ZNF786: variants seen among roughly 807,000 people sequenced by gnomAD.
The protein encoded by ZNF786 is zinc finger protein 786.
Under a neutral mutation model 63.1 loss-of-function variants are expected in ZNF786, and 56 were observed. That is an observed-to-expected ratio of 0.89 (90% CI 0.72 to 1.11). ZNF786 has a LOEUF of 1.11. Ranked by LOEUF, ZNF786 falls within the 50% of genes least tolerant of loss-of-function variation. The probability of loss-of-function intolerance (pLI) is 0.00; values close to 1 mark genes in which losing one functional copy is unlikely to be tolerated. For missense variants in ZNF786, 1,213 were observed against 1,041.8 expected (o/e 1.16, Z -2.26); for synonymous variants, 485 against 406.9 (o/e 1.19, Z -2.31).
intron 1 of ZNF786, among the ~76,000 whole-genome samples, chr7:149,089,018 G>A (rs1187681968): frequency 2.0e-5 from 3 of 149,012 alleles, no homozygotes; most frequent in South Asian, 2.1e-4. Flanking sequence ...GTGCAGTGGC[G>A]CGATCTCGGC....
At chr7:149,074,940 A>G (rs2129514742) in intron 2 of ZNF786, among the ~76,000 whole-genome samples, 1 of 151,424 alleles carries the variant, frequency 6.6e-6, no homozygotes, top group Middle Eastern at 3.4e-3. Flanking sequence ...TCCTGGGCTC[A>G]GGTAATTCTT....
rs927818214 is a variant in ZNF786 at position 149,071,290 on chromosome 7, GC to G, written c.1481del (p.Ser494ThrfsTer3). 8.1e-6 allele frequency: 13 copies of G among 1,612,988 alleles called. No homozygotes were observed. The highest frequency in any genetic ancestry group is 1.1e-5 in the Non-Finnish European group (13 of 1,179,682). On this transcript the variant is annotated frameshift_variant, in exon 4 of 4. Coordinates refer to ENST00000491431, the MANE Select transcript of ZNF786 (RefSeq NM_152411.4). LOFTEE classifies it high-confidence loss of function. ...PECGLSFRLE[S>X]MLRAHRLRHG... ...GCCGGAGCCGGTGGGCTCTCAGCAT[GC>G]TCTCCAGGCGGAAGCTCAGCCCACA...
chr7:149,076,722 A>AGG (rs1563138353), intron 2 of ZNF786, among the ~76,000 whole-genome samples: 44 of 145,596 alleles, frequency 3.0e-4, no homozygotes, highest in Admixed American at 5.4e-4. Context: ...CCATCTTGAA[A>AGG]AAAAAAAAAA....
At position 149,085,753 on chromosome 7, in the gene ZNF786, T is replaced by C. The variant is rs149661270; in HGVS notation, c.18+4870A>G. Among the ~76,000 whole-genome samples the C allele has an allele frequency of 9.3e-3, 1,416 of 152,344 alleles. 11 individuals carry two copies. Among genetic ancestry groups the C allele is most frequent in the Non-Finnish European group, 0.014 (959 of 68,030 alleles). Reference sequence around the variant, plus strand: ...ATTAAATGTTTTTCCCTTTGTGTTATCTCTGGTTTCTTTGAGTAGTGTTTT... The same window carrying C: ...ATTAAATGTTTTTCCCTTTGTGTTACCTCTGGTTTCTTTGAGTAGTGTTTT... On this transcript the variant is annotated intron_variant, in intron 1 of 3. Coordinates refer to ENST00000491431, the MANE Select transcript of ZNF786 (RefSeq NM_152411.4).
In ZNF786 at chr7:149,071,916, G is replaced by A. The variant is rs748568640; in HGVS notation, c.856C>T (p.His286Tyr). Residue 286 changes from histidine (H) to tyrosine (Y), a missense_variant, in exon 4 of 4, where the codon CAC (histidine) becomes TAC (tyrosine). By Grantham distance (83) the His-to-Tyr change is moderately conservative. Transcript: ENST00000491431. ...CFRHELTHPS[H>Y]RLPQQGEKPA... ...TTCTCCCCCTGCTGCGGGAGGCGGTGGCTGGGATGGGTCAGCTCGTGTCGG... is the reference window on the plus strand; with the variant it reads ...TTCTCCCCCTGCTGCGGGAGGCGGTAGCTGGGATGGGTCAGCTCGTGTCGG... The A allele has an allele frequency of 6.2e-7, 1 of 1,606,756 alleles. No homozygotes were observed. Among genetic ancestry groups the A allele is most frequent in the East Asian group, 2.2e-5 (1 of 44,766 alleles).
chr7:149,090,122 C>T (rs1204265085), intron 1 of ZNF786, among the ~76,000 whole-genome samples: 5 of 152,198 alleles, frequency 3.3e-5, no homozygotes, highest in African/African-American at 1.2e-4. Flanking sequence ...TTTGTATCCT[C>T]TTCTACTCTT....
intron 1 of ZNF786, among the ~76,000 whole-genome samples, chr7:149,087,993 C>CTTTTTTTT (rs11304737): frequency 7.9e-6 from 1 of 126,272 alleles, no homozygotes; most frequent in Non-Finnish European, 1.7e-5. Context: ...GTTGCCCAGG[C>CTTTTTTTT]TTTTTTTTTT....
In ZNF786 at chr7:149,071,066, T is replaced by A; in HGVS notation, c.1706A>T (p.Glu569Val). Reference sequence around the variant, plus strand: ...TTGTCTGGTGAAGCCCTTGCCACACTCCCCGCACGAGAACGGCCTCTCCTT... The same window carrying A: ...TTGTCTGGTGAAGCCCTTGCCACACACCCCGCACGAGAACGGCCTCTCCTT... Reference protein sequence around the residue: ...HSKERPFSCGECGKGFTRQSK... With the variant: ...HSKERPFSCGVCGKGFTRQSK... Residue 569 changes from glutamate to valine, a missense_variant, in exon 4 of 4, where the codon GAG (glutamate) becomes GTG (valine). Physicochemically the swap from Glu to Val is moderately radical, Grantham distance 121 (BLOSUM62 -2). Transcript: ENST00000491431. The A allele has an allele frequency of 1.9e-6, 3 of 1,611,340 alleles. No homozygotes were observed. Among genetic ancestry groups the A allele is most frequent in the Non-Finnish European group, 2.5e-6 (3 of 1,179,584 alleles).
Position 149,071,748 on chromosome 7 carries a change from G to A in ZNF786, c.1024C>T (p.Pro342Ser), listed in dbSNP as rs1208522186. Residue 342 changes from proline (P) to serine (S), a missense_variant, in exon 4 of 4, where the codon CCA becomes TCA. By Grantham distance (74) the Pro-to-Ser change is moderately conservative. Transcript: ENST00000491431. ...ASSSVHSGQKPGSRLPQEGNS... is the reference protein window; with the variant it reads ...ASSSVHSGQKSGSRLPQEGNS... ...CCCTCCTGGGGCAGGCGCGAGCCTGGTTTCTGTCCCGAGTGCACACTGCTG... is the reference window on the plus strand; with the variant it reads ...CCCTCCTGGGGCAGGCGCGAGCCTGATTTCTGTCCCGAGTGCACACTGCTG... 1.3e-6 allele frequency: 2 copies of A among 1,589,018 alleles called. No individual in the cohort carries two copies. Among genetic ancestry groups the A allele is most frequent in the Non-Finnish European group, 1.7e-6 (2 of 1,175,032 alleles).
chr7:149,071,538 G>A lies in ZNF786; in HGVS notation c.1234C>T (p.Leu412=), dbSNP rs1298548839. 5 of 1,613,004 alleles carry A rather than the reference G, an allele frequency of 3.1e-6. No homozygotes were observed. The highest frequency in any genetic ancestry group is 1.3e-5 in the African/African-American group (1 of 74,964). ...CCGTGCGCGTGCTGGTGGACCTGCA[G>A]CAGGCGGCGCAGGCGGAAGCGCTTG... ...CTKRFRLRRL[L]QVHQHAHGGE... The change falls in exon 4 of 4, where the codon CTG becomes TTG. Residue 412 remains leucine, a synonymous_variant. Coordinates refer to ENST00000491431, the MANE Select transcript of ZNF786 (RefSeq NM_152411.4).
Position 149,072,261 on chromosome 7 carries a change from G to A in ZNF786, c.511C>T (p.Leu171=). 1 of 1,613,582 alleles carries A rather than the reference G, an allele frequency of 6.2e-7. No individual in the cohort carries two copies. The change falls in exon 4 of 4, where the codon CTG becomes TTG. Residue 171 remains leucine (L), a synonymous_variant. Transcript: ENST00000491431. ...ACGTCCCACAAACCAGGAAGATCCA[G>A]ATTTCTGGGACCTGGGATTCCTTCT... ...LKEGIPGPRN[L]DLPGLWDVPA...
chr7:149,078,856 T>C (rs1825607377), intron 2 of ZNF786, among the ~76,000 whole-genome samples: 1 of 152,108 alleles, frequency 6.6e-6, no homozygotes, highest in Non-Finnish European at 1.5e-5. Context: ...TGGAATACAA[T>C]CTAGAATCTT....
intron 1 of ZNF786, 68 bp downstream of exon 1, chr7:149,090,555 G>A (rs1825814186): frequency 6.9e-7 from 1 of 1,457,914 alleles, no homozygotes; most frequent in Non-Finnish European, 9.2e-7. Flanking sequence ...CAGGACACGG[G>A]CGAGCCCGGA....
chr7:149,087,619 T>G (rs2129516933), intron 1 of ZNF786, among the ~76,000 whole-genome samples: 1 of 152,302 alleles, frequency 6.6e-6, no homozygotes, highest in East Asian at 1.9e-4. Flanking sequence ...AATGCACACA[T>G]GCAACACACT....
intron 2 of ZNF786, among the ~76,000 whole-genome samples, chr7:149,076,739 C>A (rs982787559): frequency 1.7e-4 from 23 of 137,802 alleles, no homozygotes; most frequent in African/African-American, 6.2e-4. Context: ...AAAAAAAAAA[C>A]TACATAGACC....
chr7:149,069,761 C>G lies in ZNF786; in HGVS notation c.*662G>C, dbSNP rs1329774630. 1 of 152,286 alleles carries G rather than the reference C, an allele frequency of 6.6e-6. No individual in the cohort carries two copies. Among genetic ancestry groups the G allele is most frequent in the East Asian group, 1.9e-4 (1 of 5,192 alleles). 9.4% of individuals were successfully genotyped at this position (152,286 alleles called of 1,614,324 possible). On this transcript the variant is annotated 3_prime_UTR_variant, in exon 4 of 4. Transcript: ENST00000491431. ...ACCTCAGCTTCAGGAGTAGCTGGGA[C>G]TACTGGTGTGTACCACCATGCCTGG...
intron 2 of ZNF786, among the ~76,000 whole-genome samples, chr7:149,079,962 A>G (rs1202972807): frequency 6.6e-6 from 1 of 150,812 alleles, no homozygotes; most frequent in African/African-American, 2.4e-5. Flanking sequence ...TCACGAGGTC[A>G]GGAGATTAAG....
chr7:149,077,022 A>T (rs530953321), intron 2 of ZNF786, among the ~76,000 whole-genome samples: 36 of 152,182 alleles, frequency 2.4e-4, no homozygotes, highest in Non-Finnish European at 4.7e-4. Context: ...GCTGATTGAC[A>T]ATAGAGTAGG....
Position 149,074,388 on chromosome 7 carries a change from C to A in ZNF786, c.296G>T (p.Trp99Leu). Residue 99 changes from tryptophan (W) to leucine (L), a missense_variant and splice_region_variant, in exon 3 of 4, where the codon TGG (tryptophan) becomes TTG (leucine). Transcript: ENST00000491431. ...FDPGFEEQLFWGSQQAMNSGK... is the reference protein window; with the variant it reads ...FDPGFEEQLFLGSQQAMNSGK... Reference sequence around the variant, plus strand: ...GGCCCTGATTTCTTAATACTCACCCCAAAACAGCTGTTCCTCAAAACCTGG... The same window carrying A: ...GGCCCTGATTTCTTAATACTCACCCAAAAACAGCTGTTCCTCAAAACCTGG... The A allele has an allele frequency of 6.2e-7, 1 of 1,613,646 alleles. No homozygotes were observed. The highest frequency in any genetic ancestry group is 8.5e-7 in the Non-Finnish European group (1 of 1,179,742).
Sources: gnomAD v4.1 joint callset for allele counts (sites outside exome capture counted in the v4.1 genomes callset) on GRCh38, gnomAD v4.1.1 for gene constraint, MANE v1.5 for transcripts, NCBI Gene and HGNC (gene_info 2026-07-23, HGNC 2026-07-21) for gene names.